Variants in TRDN observed in about 807,000 individuals in gnomAD.
TRDN encodes triadin in skeletal muscle.
TRDN carries 161 observed loss-of-function variants against 149.7 expected under a neutral mutation model. The observed-to-expected ratio is 1.08, with a 90% CI of 0.95 to 1.23. TRDN has a LOEUF of 1.23. TRDN is among the 50% of genes most tolerant of loss of function. The pLI is 0.00. For synonymous variants in TRDN, 294 were observed against 250.5 expected, an observed-to-expected ratio of 1.17 and a Z score of -1.64; for missense variants, 896 against 823.5, an observed-to-expected ratio of 1.09 and a Z score of -1.08.
intron 7 of TRDN, among the ~76,000 whole-genome samples, chr6:123,511,202 G>A (rs1395877402): frequency 1.3e-5 from 2 of 152,082 alleles, no homozygotes; most frequent in African/African-American, 4.8e-5. Context: ...TACATATACA[G>A]TTTTCCTAGT....
intron 24 of TRDN, among the ~76,000 whole-genome samples, chr6:123,308,338 G>GT (rs56246935): frequency 2.6e-4 from 35 of 137,254 alleles, no homozygotes; most frequent in Admixed American, 4.4e-4. Flanking sequence ...GCACGTGTGT[G>GT]TTTTTTTTTT....
At chr6:123,233,316 G>C (rs1366162238) in intron 38 of TRDN, among the ~76,000 whole-genome samples, 1 of 152,022 alleles carries the variant, frequency 6.6e-6, no homozygotes, top group South Asian at 2.1e-4. Context: ...GAGTTTTAAA[G>C]AAAATGAACT....
chr6:123,231,142 T>C (rs534585757), intron 38 of TRDN, among the ~76,000 whole-genome samples: 5 of 152,134 alleles, frequency 3.3e-5, no homozygotes, highest in African/African-American at 4.8e-5. Flanking sequence ...TATTCTATCT[T>C]TACTTGCAAA....
intron 2 of TRDN, among the ~76,000 whole-genome samples, chr6:123,567,270 A>G (rs997669874): frequency 6.6e-5 from 10 of 152,202 alleles, no homozygotes; most frequent in African/African-American, 1.4e-4. Flanking sequence ...TTAGACATTT[A>G]TGACTCTGGA....
At chr6:123,597,484 A>G (rs879435514) in intron 1 of TRDN, among the ~76,000 whole-genome samples, 4 of 152,136 alleles carry the variant, frequency 2.6e-5, no homozygotes, top group African/African-American at 7.2e-5. Context: ...GTAGAGGATT[A>G]TCTCCAATAT....
At chr6:123,439,308 T>A (rs180998211) in intron 10 of TRDN, among the ~76,000 whole-genome samples, 9 of 152,330 alleles carry the variant, frequency 5.9e-5, no homozygotes, top group African/African-American at 1.4e-4. Context: ...CAAACAATTG[T>A]TTATCTAGTG....
intron 4 of TRDN, among the ~76,000 whole-genome samples, chr6:123,545,720 A>AT (rs1229245635): frequency 1.3e-5 from 2 of 152,008 alleles, no homozygotes; most frequent in Non-Finnish European, 2.9e-5. Context: ...CATTTCTAAC[A>AT]TTTTTTAAAA....
At chr6:123,390,332 AT>A (rs2114449766) in intron 13 of TRDN, among the ~76,000 whole-genome samples, 1 of 152,268 alleles carries the variant, frequency 6.6e-6, no homozygotes, top group South Asian at 2.1e-4. Context: ...ATTACAACAA[AT>A]TTTTGGATTT....
intron 9 of TRDN, chr6:123,489,430 GT>G (rs1326079381): frequency 6.6e-6 from 1 of 151,866 alleles, no homozygotes; most frequent in Non-Finnish European, 1.5e-5. Flanking sequence ...GTCAATCAGA[GT>G]TTTTTTAGTT....
intron 24 of TRDN, among the ~76,000 whole-genome samples, chr6:123,298,339 A>C (rs1778282539): frequency 2.0e-5 from 3 of 151,786 alleles, no homozygotes; most frequent in African/African-American, 7.3e-5. Flanking sequence ...TTTTCCTTTT[A>C]GATGTCCTTT....
intron 2 of TRDN, among the ~76,000 whole-genome samples, chr6:123,564,604 A>G (rs953829748): frequency 2.6e-5 from 4 of 152,224 alleles, no homozygotes; most frequent in African/African-American, 7.2e-5. Flanking sequence ...ACACCTCATT[A>G]GAAAATCTAT....
At chr6:123,380,718 T>TG (rs60103897) in intron 16 of TRDN, among the ~76,000 whole-genome samples, 32,198 of 121,266 alleles carry the variant, frequency 0.27, 3,935 homozygotes, top group Admixed American at 0.34. Context: ...TCAAGGGTTT[T>TG]TTTTTTTTTT....
chr6:123,439,091 G>T, intron 10 of TRDN, 88 bp from the exon 11 acceptor site: 1 of 991,654 alleles, frequency 1.0e-6, no homozygotes. Flanking sequence ...TGTTAAGTCA[G>T]TTCTGCCTCC....
intron 12 of TRDN, among the ~76,000 whole-genome samples, chr6:123,431,373 C>T (rs969946954): frequency 9.2e-5 from 14 of 152,128 alleles, no homozygotes; most frequent in Non-Finnish European, 1.8e-4. Context: ...GCCCCAATAT[C>T]ACTCAAAAGT....
Position 123,530,501 on chromosome 6 carries a change from T to C in TRDN, c.484+5A>G. The C allele has an allele frequency of 1.6e-6, 2 of 1,238,890 alleles. No homozygotes were observed. Among genetic ancestry groups the C allele is most frequent in the South Asian group, 1.7e-5 (1 of 60,388 alleles). 76.7% of individuals were successfully genotyped at this position (1,238,890 alleles called of 1,614,324 possible). A position where few individuals can be genotyped will look rare whatever the true frequency, so the allele number is the denominator to read the frequency against. On this transcript the variant is annotated splice_donor_5th_base_variant and intron_variant, in intron 5 of 40. Transcript: ENST00000334268. ...TGAAGAATAAACATAAAATGAAATG[T>C]TTACCTTTAGTTTGTATTTTCCTTT...
chr6:123,393,807 T>TA, intron 12 of TRDN, 130 bp from the exon 13 acceptor site: 1 of 823,258 alleles, frequency 1.2e-6, no homozygotes, highest in Non-Finnish European at 1.9e-6. Context: ...GAATTTTTGT[T>TA]AAGACATAAA....
Position 123,218,755 on chromosome 6 carries a change from A to G in TRDN, c.2051-15T>C. On this transcript the variant is annotated splice_polypyrimidine_tract_variant and intron_variant, in intron 40 of 40. Coordinates refer to ENST00000334268, the MANE Select transcript of TRDN (RefSeq NM_006073.4). The stretch of plus-strand genomic sequence containing the variant: ...ACTGATGGGACCTAAGGAACAGAGC[A>G]TGACAGTTTGTTAAAACATGCAGAA... 2 of 1,555,482 alleles carry G rather than the reference A, an allele frequency of 1.3e-6. No homozygotes were observed. Among genetic ancestry groups the G allele is most frequent in the Non-Finnish European group, 1.7e-6 (2 of 1,147,886 alleles).
chr6:123,435,214 C>T (rs1774502317), intron 12 of TRDN, among the ~76,000 whole-genome samples: 4 of 151,580 alleles, frequency 2.6e-5, no homozygotes, highest in Admixed American at 2.6e-4. Context: ...GTAGGCATAT[C>T]TTATGCCTTA....
At position 123,337,753 on chromosome 6, in the gene TRDN, G is replaced by A. The variant is rs1004873529; in HGVS notation, c.1370-84C>T. 1.6e-5 allele frequency: 12 copies of A among 731,508 alleles called. No individual in the cohort carries two copies. The Admixed American group carries it at 4.0e-4, about 24-fold the overall frequency. 45.3% of individuals were successfully genotyped at this position (731,508 alleles called of 1,614,324 possible). The stretch of plus-strand genomic sequence containing the variant: ...AGTCTCTTCATGTGTTTTGTATACT[G>A]AGGCTTAAGATCACAGGGCATCTGA... On this transcript the variant is annotated intron_variant, in intron 21 of 40. Coordinates refer to ENST00000334268, the MANE Select transcript of TRDN (RefSeq NM_006073.4).
Sources: gnomAD v4.1 joint callset for allele counts (sites outside exome capture counted in the v4.1 genomes callset) on GRCh38, gnomAD v4.1.1 for gene constraint, MANE v1.5 for transcripts, NCBI Gene and HGNC (gene_info 2026-07-23, HGNC 2026-07-21) for gene names.